Variants in ALG5 observed in about 807,000 individuals in gnomAD.
ALG5 encodes dolichyl-phosphate beta-glucosyltransferase.
Under a neutral mutation model 51.8 loss-of-function variants are expected in ALG5, and 26 were observed. The observed-to-expected ratio is 0.50, with a 90% CI of 0.37 to 0.70. The LOEUF is 0.70. Among genes scored for constraint, ALG5 ranks in the 30% least tolerant of loss-of-function variants. The pLI is 0.00. For missense variants in ALG5, 311 were observed against 399.3 expected, an observed-to-expected ratio of 0.78 and a Z score of 1.88; for synonymous variants, 141 against 136.1, an observed-to-expected ratio of 1.04 and a Z score of -0.25.
In ALG5 at chr13:36,995,063, A is replaced by G. The variant is rs2323165; in HGVS notation, c.239-28T>C. On this transcript the variant is annotated intron_variant, in intron 2 of 9. Coordinates refer to ENST00000239891, the MANE Select transcript of ALG5 (RefSeq NM_013338.5). ...TGAAGAAAAAAATATATTAAAAATC[A>G]CTTTTGAAAATGATTTTCCAAGCCC... is the stretch of plus-strand genomic sequence containing the variant. 0.89 allele frequency: 1,426,056 copies of G among 1,602,136 alleles called. 635,600 individuals carry two copies. Among genetic ancestry groups the G allele is most frequent in the East Asian group, 1 (44,771 of 44,796 alleles).
In ALG5 at chr13:36,995,492, G is replaced by A; in HGVS notation, c.171C>T (p.Pro57=). 3 of 1,610,214 alleles carry A rather than the reference G, an allele frequency of 1.9e-6. No homozygotes were observed. The East Asian group carries it at 6.7e-5, about 36-fold the overall frequency. ...LNAKGQKETL[P]SIWDSPTKQL... ...GTTTGGTAGGTGAGTCCCATATGCT[G>A]GGTAAAGTTTCTTTCTGGCCTTTGG... is the stretch of plus-strand genomic sequence containing the variant. Residue 57 remains proline (P), a synonymous_variant, in exon 2 of 10, where the codon CCC becomes CCT. Transcript: ENST00000239891.
rs757220549 is a variant in ALG5, at chr13:36,999,328, C to G, written c.-28G>C. The G allele has an allele frequency of 3.2e-6, 5 of 1,557,780 alleles. No individual in the cohort carries two copies. The highest frequency in any genetic ancestry group is 1.4e-5 in the African/African-American group (1 of 70,790). ...TCCATGCCGTGGCAGCCCGCCCAAT[C>G]CCGCACCTCCACACAGGCGGAAGCG... On this transcript the variant is annotated 5_prime_UTR_variant, in exon 1 of 10. Transcript: ENST00000239891.
At chr13:36,975,815 G>A (rs1445261197) in intron 6 of ALG5, among the ~76,000 whole-genome samples, 1 of 151,872 alleles carries the variant, frequency 6.6e-6, no homozygotes, top group Non-Finnish European at 1.5e-5. Flanking sequence ...GAGACCAGGC[G>A]TTTGAGACCA....
chr13:36,969,920 G>A (rs1593667400), intron 7 of ALG5, among the ~76,000 whole-genome samples: 2 of 152,030 alleles, frequency 1.3e-5, no homozygotes, highest in South Asian at 4.1e-4. Flanking sequence ...TTTATCCCAT[G>A]TTATTAAATA....
At chr13:36,965,095 G>C (rs139767589) in intron 8 of ALG5, among the ~76,000 whole-genome samples, 7 of 152,236 alleles carry the variant, frequency 4.6e-5, no homozygotes, top group Non-Finnish European at 8.8e-5. Context: ...TCAATGGAAA[G>C]GGTTCTGGGA....
intron 4 of ALG5, among the ~76,000 whole-genome samples, chr13:36,991,110 G>T (rs981592301): frequency 4.6e-5 from 7 of 152,110 alleles, no homozygotes; most frequent in Non-Finnish European, 5.9e-5. Context: ...AGCTTCTGAG[G>T]CTGCCCCATT....
At chr13:36,968,408 C>T (rs1161376507) in intron 7 of ALG5, among the ~76,000 whole-genome samples, 1 of 152,170 alleles carries the variant, frequency 6.6e-6, no homozygotes, top group Non-Finnish European at 1.5e-5. Flanking sequence ...TAAGCAAAGA[C>T]TCTTTAAACA....
rs527506559 is a variant in ALG5 at position 36,961,141 on chromosome 13, T to A, written c.773+4434A>T. ...ATACAAATAAAATATACAAGCAGAG[T>A]GCGGTGGCTCATGCCTGTAATCTCA... is the stretch of plus-strand genomic sequence containing the variant. On this transcript the variant is annotated intron_variant, in intron 8 of 9. Transcript: ENST00000239891. Among the ~76,000 whole-genome samples the A allele has an allele frequency of 7.0e-4, 106 of 151,180 alleles. 1 individual carries two copies. Among genetic ancestry groups the A allele is most frequent in the African/African-American group, 2.4e-3 (100 of 41,146 alleles).
At chr13:36,975,587 G>A (rs1254201800) in intron 6 of ALG5, among the ~76,000 whole-genome samples, 2 of 152,034 alleles carry the variant, frequency 1.3e-5, no homozygotes, top group African/African-American at 4.8e-5. Flanking sequence ...CCTATTTGTT[G>A]TCCTTTCTAA....
At chr13:36,964,470 AATGTCAGGGCTG>A (rs1413576630) in intron 8 of ALG5, among the ~76,000 whole-genome samples, 1 of 152,146 alleles carries the variant, frequency 6.6e-6, no homozygotes, top group African/African-American at 2.4e-5. Flanking sequence ...GCATGTGGAG[AATGTCAGGGCTG>A]ATGTCAGGGT....
intron 8 of ALG5, among the ~76,000 whole-genome samples, chr13:36,964,244 C>G (rs2058881654): frequency 6.6e-6 from 1 of 152,042 alleles, no homozygotes; most frequent in South Asian, 2.1e-4. Flanking sequence ...TGTGGAGACA[C>G]AGGTGGGGCC....
chr13:36,957,929 T>C (rs1445053368), intron 8 of ALG5, among the ~76,000 whole-genome samples: 1 of 152,052 alleles, frequency 6.6e-6, no homozygotes, highest in East Asian at 1.9e-4. Context: ...CTCTATCCAG[T>C]CCTTTTATCT....
At chr13:36,994,866 G>T in intron 3 of ALG5, 123 bp downstream of exon 3, 1 of 764,858 alleles carries the variant, frequency 1.3e-6, no homozygotes, top group South Asian at 1.7e-5. Flanking sequence ...CAAGCAGCAG[G>T]TGGCCCAGCG....
intron 6 of ALG5, among the ~76,000 whole-genome samples, chr13:36,981,482 G>C (rs2058979003): frequency 6.6e-6 from 1 of 152,168 alleles, no homozygotes; most frequent in Admixed American, 6.5e-5. Flanking sequence ...TATCAAATTT[G>C]TGGCTTAAAT....
At chr13:36,959,592 G>T (rs1423426153) in intron 8 of ALG5, among the ~76,000 whole-genome samples, 1 of 151,972 alleles carries the variant, frequency 6.6e-6, no homozygotes, top group African/African-American at 2.4e-5. Flanking sequence ...TCCAAAAGGG[G>T]GTGGAAACAA....
rs559380051 is a variant in ALG5, at chr13:36,956,828, C to T, written c.774-4229G>A. On this transcript the variant is annotated intron_variant, in intron 8 of 9. Coordinates refer to ENST00000239891, the MANE Select transcript of ALG5 (RefSeq NM_013338.5). ...AAAGAAAAGAGAAATAGAAGGGAAC[C>T]GCCCAGCAGATATTGAAGCCAAAAA... 1.1e-4 allele frequency among the ~76,000 whole-genome samples: 16 copies of T among 151,992 alleles called. No individual in the cohort carries two copies. In the East Asian group the frequency reaches 2.3e-3, roughly 22 times the overall value.
At chr13:36,951,687 GTTA>G (rs1205439950) in intron 9 of ALG5, among the ~76,000 whole-genome samples, 1 of 152,196 alleles carries the variant, frequency 6.6e-6, no homozygotes, top group Non-Finnish European at 1.5e-5. Context: ...TAGATTTCAA[GTTA>G]TTATAGAGTT....
At chr13:36,957,035 C>G (rs1161634941) in intron 8 of ALG5, among the ~76,000 whole-genome samples, 2 of 151,988 alleles carry the variant, frequency 1.3e-5, no homozygotes, top group Non-Finnish European at 2.9e-5. Flanking sequence ...AGGAAAAATA[C>G]TTTTGCCTGC....
intron 5 of ALG5, among the ~76,000 whole-genome samples, chr13:36,988,412 C>CTGTTTCTAG (rs1354559482): frequency 6.6e-6 from 1 of 152,196 alleles, no homozygotes; most frequent in East Asian, 1.9e-4. Flanking sequence ...AAGTGAATCA[C>CTGTTTCTAG]TGTTTCTAGT....
Sources: allele counts gnomAD v4.1 joint callset (sites outside exome capture counted in the v4.1 genomes callset), GRCh38; gene constraint gnomAD v4.1.1; transcripts MANE v1.5; gene names NCBI Gene and HGNC (gene_info 2026-07-23, HGNC 2026-07-21).